The following ELP4 variants were observed in gnomAD, a reference collection of about 807,000 sequenced individuals.
ELP4 encodes elongator acetyltransferase complex subunit 4, also known as elongator complex protein 4.
In ELP4, 51 loss-of-function variants were observed where a neutral mutation model predicts 48.9. The ratio of observed to expected loss-of-function variants is 1.04; its 90% CI spans 0.83 to 1.32. The LOEUF is 1.32. Among genes scored for constraint, ELP4 ranks in the 40% most tolerant of loss-of-function variants. The pLI is 0.00. For synonymous variants in ELP4, 210 were observed against 189.2 expected (o/e 1.11, Z -0.90); for missense variants, 519 against 514.6 (o/e 1.01, Z -0.08).
intron 4 of ELP4, chr11:31,599,852 TG>T (rs981010511): frequency 6.6e-6 from 1 of 152,126 alleles, no homozygotes; most frequent in African/African-American, 2.4e-5. Context: ...AGTTGAGATT[TG>T]GGTGGGGACA....
chr11:31,732,480 A>T (rs113047769), intron 9 of ELP4, among the ~76,000 whole-genome samples: 29 of 151,838 alleles, frequency 1.9e-4, no homozygotes, highest in East Asian at 3.9e-4. Flanking sequence ...AAAAAAAAAA[A>T]AAATAAATGA....
chr11:31,664,630 A>G (rs1302471562), intron 9 of ELP4, among the ~76,000 whole-genome samples: 2 of 152,164 alleles, frequency 1.3e-5, no homozygotes, highest in Non-Finnish European at 2.9e-5. Flanking sequence ...GAAAGTCATC[A>G]AACTGTAAGA....
intron 9 of ELP4, among the ~76,000 whole-genome samples, chr11:31,736,178 T>A (rs1484059037): frequency 1.3e-5 from 2 of 152,152 alleles, no homozygotes; most frequent in African/African-American, 4.8e-5. Flanking sequence ...GCCGCATATC[T>A]ACAACTATCT....
rs752426798 is a variant in ELP4 at position 31,632,363 on chromosome 11, T to C, written c.885T>C (p.Ser295=). Residue 295 remains serine, a synonymous_variant, in exon 7 of 10, where the codon TCT becomes TCC. Transcript: ENST00000640961. ...TTCTCCGTGGTCTTCTGAGAACCTC[T>C]CTTTCAGCCTGCATCATCACAATGC... The part of the protein sequence containing the change: ...LYVLRGLLRT[S]LSACIITMPT... 6.2e-7 allele frequency: 1 copy of C among 1,612,610 alleles called. No homozygotes were observed. The highest frequency in any genetic ancestry group is 1.3e-5 in the African/African-American group (1 of 74,810).
chr11:31,729,695 C>A (rs1947144616), intron 9 of ELP4, among the ~76,000 whole-genome samples: 1 of 152,136 alleles, frequency 6.6e-6, no homozygotes. Context: ...TTTATACACC[C>A]AGCCATTTTC....
rs552338184 is a variant in ELP4 at position 31,749,183 on chromosome 11, T to TA, written c.1144-34204dup. ...ACACTTTAGGTTCTGTGTGATATGCTAAAAAACAGCATTTAGTAAACATTA... is the reference window on the plus strand; with the variant it reads ...ACACTTTAGGTTCTGTGTGATATGCTAAAAAAACAGCATTTAGTAAACATTA... On this transcript the variant is annotated intron_variant, in intron 9 of 9. Coordinates refer to ENST00000640961, the MANE Select transcript of ELP4 (RefSeq NM_019040.5). Among the ~76,000 whole-genome samples the TA allele has an allele frequency of 3.9e-3, 596 of 152,270 alleles. 5 individuals are homozygous for TA. Among genetic ancestry groups the TA allele is most frequent in the African/African-American group, 0.014 (568 of 41,558 alleles).
rs73477658 is a variant in ELP4 at position 31,787,696 on chromosome 11, A to C, written c.*4172A>C. The C allele has an allele frequency of 4.8e-3, 1,106 of 230,852 alleles. 15 individuals are homozygous for C. The highest frequency in any genetic ancestry group is 0.023 in the African/African-American group (1,046 of 45,350). 14.3% of individuals were successfully genotyped at this position (230,852 alleles called of 1,614,324 possible). On this transcript the variant is annotated 3_prime_UTR_variant, in exon 10 of 10. Coordinates refer to ENST00000640961, the MANE Select transcript of ELP4 (RefSeq NM_019040.5). Reference sequence around the variant, plus strand: ...ACTGAACAAAACTACATGCACACATACAAAAACTGCAACTTAGGAAGGTGT... The same window carrying C: ...ACTGAACAAAACTACATGCACACATCCAAAAACTGCAACTTAGGAAGGTGT...
intron 3 of ELP4, among the ~76,000 whole-genome samples, chr11:31,571,449 A>T (rs1397476623): frequency 1.3e-5 from 2 of 152,132 alleles, no homozygotes; most frequent in Non-Finnish European, 2.9e-5. Flanking sequence ...CCTCCACCAG[A>T]GTCTTGAATT....
chr11:31,577,353 G>C (rs1421398656), intron 3 of ELP4, among the ~76,000 whole-genome samples: 1 of 152,082 alleles, frequency 6.6e-6, no homozygotes, highest in African/African-American at 2.4e-5. Context: ...TTCTACCAGA[G>C]GTACAAAGAG....
In ELP4 at chr11:31,697,559, T is replaced by C. The variant is rs112770321; in HGVS notation, c.1143+47338T>C. Among the ~76,000 whole-genome samples the C allele has an allele frequency of 5.6e-3, 856 of 152,294 alleles. 8 individuals are homozygous for C. Among genetic ancestry groups the C allele is most frequent in the Non-Finnish European group, 9.8e-3 (668 of 68,012 alleles). ...TAATCTTACAGACTTTTAATGATGA[T>C]GACATTCTGTAAATAAAGTATTTGT... is the stretch of plus-strand genomic sequence containing the variant. On this transcript the variant is annotated intron_variant, in intron 9 of 9. Transcript: ENST00000640961.
chr11:31,603,268 A>G (rs1029458447), intron 4 of ELP4, among the ~76,000 whole-genome samples: 16 of 151,846 alleles, frequency 1.1e-4, no homozygotes, highest in African/African-American at 3.9e-4. Flanking sequence ...ATATACACGT[A>G]TATTGTCTTA....
chr11:31,594,869 G>A lies in ELP4; in HGVS notation c.481G>A (p.Ala161Thr). ...AGAATCTAATATTAAGATGAAAATAGCTTGGCGTTACCAGTTATTACCCAA... is the reference window on the plus strand; with the variant it reads ...AGAATCTAATATTAAGATGAAAATAACTTGGCGTTACCAGTTATTACCCAA... ...TPESNIKMKI[A>T]WRYQLLPKME... is the part of the protein sequence containing the mutation. Residue 161 changes from alanine to threonine, a missense_variant, in exon 4 of 10, where the codon GCT (alanine) becomes ACT (threonine). Transcript: ENST00000640961. 2 of 1,562,894 alleles carry A rather than the reference G, an allele frequency of 1.3e-6. No individual in the cohort carries two copies. Among genetic ancestry groups the A allele is most frequent in the Non-Finnish European group, 8.6e-7 (1 of 1,162,542 alleles).
At chr11:31,727,776 T>C (rs1030098007) in intron 9 of ELP4, 1 of 152,110 alleles carries the variant, frequency 6.6e-6, no homozygotes, top group African/African-American at 2.4e-5. Flanking sequence ...CTCAGAAAGG[T>C]AGTAACTTAC....
intron 3 of ELP4, among the ~76,000 whole-genome samples, chr11:31,574,778 T>C (rs1228159891): frequency 6.6e-6 from 1 of 152,104 alleles, no homozygotes; most frequent in East Asian, 1.9e-4. Context: ...CAAAACCCCA[T>C]GTACGTCACC....
chr11:31,616,567 A>G, intron 5 of ELP4, among the ~76,000 whole-genome samples: 1 of 152,126 alleles, frequency 6.6e-6, no homozygotes, highest in East Asian at 1.9e-4. Flanking sequence ...AAGCAAAAAT[A>G]GACAAATAGG....
chr11:31,684,568 AT>A (rs1280152337), intron 9 of ELP4, among the ~76,000 whole-genome samples: 1 of 152,228 alleles, frequency 6.6e-6, no homozygotes, highest in South Asian at 2.1e-4. Context: ...CATTTGTGGT[AT>A]TGACACAAGG....
At chr11:31,592,514 A>AAT (rs1433857135) in intron 3 of ELP4, among the ~76,000 whole-genome samples, 4 of 149,108 alleles carry the variant, frequency 2.7e-5, no homozygotes, top group South Asian at 2.1e-4. Flanking sequence ...ATGTGTATAT[A>AAT]ATATATATAT....
chr11:31,592,865 T>G (rs543768380), intron 3 of ELP4, among the ~76,000 whole-genome samples: 2 of 152,254 alleles, frequency 1.3e-5, no homozygotes, highest in South Asian at 4.1e-4. Context: ...TTAGGGTTAT[T>G]TCTCTAATAT....
At position 31,790,120 on chromosome 11, in the gene ELP4, A is replaced by AAAAAC; in HGVS notation, c.*6596_*6597insAAAAC. 2.1e-5 allele frequency: 16 copies of AAAAAC among 759,762 alleles called. No homozygotes were observed. The highest frequency in any genetic ancestry group is 2.8e-5 in the Admixed American group (1 of 35,984). 47.1% of individuals were successfully genotyped at this position (759,762 alleles called of 1,614,324 possible). Reference sequence around the variant, plus strand: ...TACAAAAAAAAAAAAAAAAAAAAAAACTAATACTTTCTAACATTTTTTACT... The same window carrying AAAAAC: ...TACAAAAAAAAAAAAAAAAAAAAAAAAAAACCTAATACTTTCTAACATTTTTTACT... On this transcript the variant is annotated 3_prime_UTR_variant, in exon 10 of 10. Transcript: ENST00000640961.
Sources: allele counts gnomAD v4.1 joint callset (sites outside exome capture counted in the v4.1 genomes callset), GRCh38; gene constraint gnomAD v4.1.1; transcripts MANE v1.5; gene names NCBI Gene and HGNC (gene_info 2026-07-23, HGNC 2026-07-21).